The following USP8 variants were observed in gnomAD, a reference collection of about 807,000 sequenced individuals.
The protein encoded by USP8 is ubiquitin specific peptidase 8, also known as ubiquitin carboxyl-terminal hydrolase 8.
Under a neutral mutation model 130.0 loss-of-function variants are expected in USP8, and 27 were observed. The ratio of observed to expected loss-of-function variants is 0.21; its 90% CI spans 0.15 to 0.29. The LOEUF is 0.29. Ranked by LOEUF, USP8 falls within the 10% of genes least tolerant of loss-of-function variation. The probability of loss-of-function intolerance (pLI) is 1.00; values close to 1 mark genes in which losing one functional copy is unlikely to be tolerated. For missense variants in USP8, 1,029 were observed against 1,312.2 expected (o/e 0.78, Z 3.33); for synonymous variants, 392 against 444.1 (o/e 0.88, Z 1.48).
intron 8 of USP8, among the ~76,000 whole-genome samples, chr15:50,476,033 T>C (rs945498396): frequency 2.0e-5 from 3 of 152,226 alleles, no homozygotes; most frequent in Non-Finnish European, 2.9e-5. Flanking sequence ...TGACTAGGTA[T>C]GTGCATGTAT....
chr15:50,458,821 C>T (rs1424759135), intron 4 of USP8, among the ~76,000 whole-genome samples, 179 bp from the exon 5 acceptor site: 1 of 152,078 alleles, frequency 6.6e-6, no homozygotes, highest in Non-Finnish European at 1.5e-5. Flanking sequence ...TAGTTCTGGG[C>T]AATTTGAAGT....
chr15:50,490,664 G>A, intron 14 of USP8, 139 bp downstream of exon 14: 1 of 1,131,118 alleles, frequency 8.8e-7, no homozygotes, highest in Non-Finnish European at 1.2e-6. Flanking sequence ...TTACCACAGA[G>A]AACAAAACAA....
intron 16 of USP8, 38 bp from the exon 17 acceptor site, chr15:50,495,810 G>C (rs1279952139): frequency 2.7e-6 from 4 of 1,475,412 alleles, no homozygotes; most frequent in South Asian, 2.4e-5. Flanking sequence ...TGTTTTCTTT[G>C]AGATATTAAT....
In USP8 at chr15:50,427,832, T is replaced by C. The variant is rs575219385; in HGVS notation, c.-66+3318T>C. 9.2e-5 allele frequency among the ~76,000 whole-genome samples: 14 copies of C among 151,730 alleles called. No homozygotes were observed. In the South Asian group the frequency reaches 1.2e-3, roughly 14 times the overall value. ...CCTCAGCCTCCCAAAGTGCTGGGAT[T>C]ATAGCCGTGAGCCACCATACCTGGC... On this transcript the variant is annotated intron_variant, in intron 1 of 19. Transcript: ENST00000307179.
intron 3 of USP8, among the ~76,000 whole-genome samples, chr15:50,443,795 T>C (rs2050334722): frequency 6.6e-6 from 1 of 152,204 alleles, no homozygotes; most frequent in South Asian, 2.1e-4. Context: ...TACTAGGTTT[T>C]AAATCTGTCT....
intron 11 of USP8, among the ~76,000 whole-genome samples, chr15:50,483,637 A>T (rs1363143532): frequency 1.3e-5 from 2 of 152,134 alleles, no homozygotes; most frequent in Non-Finnish European, 2.9e-5. Context: ...CACTAAAAAT[A>T]TAAAAAATTA....
intron 2 of USP8, among the ~76,000 whole-genome samples, chr15:50,439,627 A>G (rs1376652519): frequency 1.3e-5 from 2 of 151,420 alleles, no homozygotes; most frequent in Non-Finnish European, 2.9e-5. Context: ...CATTTCTACT[A>G]AAAATACAAA....
intron 11 of USP8, among the ~76,000 whole-genome samples, 198 bp from the exon 12 acceptor site, chr15:50,484,077 T>C (rs1566879807): frequency 6.6e-6 from 1 of 152,122 alleles, no homozygotes; most frequent in African/African-American, 2.4e-5. Context: ...CTTTTTTTTT[T>C]CTTCACTGAT....
intron 1 of USP8, among the ~76,000 whole-genome samples, chr15:50,433,901 G>A (rs890845699): frequency 6.6e-6 from 1 of 152,194 alleles, no homozygotes; most frequent in African/African-American, 2.4e-5. Flanking sequence ...CACTGTGCAC[G>A]GCTGCATTTT....
At chr15:50,489,091 T>A (rs2052067740) in intron 12 of USP8, among the ~76,000 whole-genome samples, 1 of 152,154 alleles carries the variant, frequency 6.6e-6, no homozygotes, top group Non-Finnish European at 1.5e-5. Flanking sequence ...TTGTTTTCTA[T>A]TAATTTTTTA....
chr15:50,429,162 AG>A (rs1233902542), intron 1 of USP8, among the ~76,000 whole-genome samples: 1 of 152,202 alleles, frequency 6.6e-6, no homozygotes, highest in Non-Finnish European at 1.5e-5. Flanking sequence ...ACCATGGATA[AG>A]GGGGGACTAC....
intron 11 of USP8, among the ~76,000 whole-genome samples, chr15:50,483,537 A>G (rs913600502): frequency 5.3e-5 from 8 of 152,246 alleles, no homozygotes; most frequent in Non-Finnish European, 1.0e-4. Context: ...GCCCACGCCT[A>G]TAATCCCAGC....
intron 10 of USP8, 76 bp from the exon 11 acceptor site, chr15:50,481,405 C>G: frequency 9.1e-7 from 1 of 1,101,128 alleles, no homozygotes; most frequent in Non-Finnish European, 1.2e-6. Context: ...CTTCTTTTAT[C>G]ACAACTTGAT....
intron 7 of USP8, among the ~76,000 whole-genome samples, chr15:50,470,950 G>C (rs1237708143): frequency 2.6e-5 from 4 of 152,172 alleles, no homozygotes; most frequent in South Asian, 2.1e-4. Context: ...TGCTTTAATG[G>C]AGAGTTGGTG....
At chr15:50,479,055 A>AAAAAAT (rs1555389966) in intron 10 of USP8, among the ~76,000 whole-genome samples, 26 of 152,208 alleles carry the variant, frequency 1.7e-4, no homozygotes, top group Non-Finnish European at 2.8e-4. Context: ...CTGTCTCAAA[A>AAAAAAT]AAAAATAAAA....
At chr15:50,466,924 G>C in intron 7 of USP8, 1 of 421,880 alleles carries the variant, frequency 2.4e-6, no homozygotes, top group Non-Finnish European at 4.6e-6. Flanking sequence ...AAGACTTTGA[G>C]AATCGCTACA....
chr15:50,484,116 T>A (rs73405117), intron 11 of USP8, among the ~76,000 whole-genome samples, 159 bp from the exon 12 acceptor site: 13 of 152,272 alleles, frequency 8.5e-5, no homozygotes, highest in Admixed American at 3.9e-4. Flanking sequence ...TTTTTAAGTA[T>A]TTTGAATGTG....
chr15:50,469,644 A>G (rs575837496), intron 7 of USP8, among the ~76,000 whole-genome samples: 21 of 152,268 alleles, frequency 1.4e-4, no homozygotes, highest in Non-Finnish European at 2.9e-4. Flanking sequence ...ACTGGATTTC[A>G]AAATTAAAAT....
Position 50,482,055 on chromosome 15 carries a change from G to T in USP8, c.1793G>T (p.Gly598Val), listed in dbSNP as rs370039324. The T allele has an allele frequency of 3.3e-5, 49 of 1,499,914 alleles. No individual in the cohort carries two copies. The highest frequency in any genetic ancestry group is 1.0e-4 in the Admixed American group (4 of 38,940). The allele number at this position is 1,499,914 out of a possible 1,614,324, so 92.9% of individuals were successfully genotyped here. Residue 598 changes from glycine (G) to valine (V), a missense_variant, in exon 11 of 20, where the codon GGT becomes GTT. By Grantham distance (109) the Gly-to-Val change is moderately radical. Around this residue, in one of 4 missense-constraint regions of USP8, gnomAD observed 486 missense variants for 522.0 expected, o/e 0.93. Coordinates refer to ENST00000307179, the MANE Select transcript of USP8 (RefSeq NM_005154.5). Reference protein sequence around the residue: ...VPHTSVTGDSGSGKPFKIKGQ... With the variant: ...VPHTSVTGDSVSGKPFKIKGQ... ...CATACATCTGTGACAGGGGATTCAGGTTCAGGCAAGGTAAGCAGAAACAGT... is the reference window on the plus strand; with the variant it reads ...CATACATCTGTGACAGGGGATTCAGTTTCAGGCAAGGTAAGCAGAAACAGT...
Sources: allele counts gnomAD v4.1 joint callset (sites outside exome capture counted in the v4.1 genomes callset), GRCh38; gene constraint gnomAD v4.1.1; regional missense constraint gnomAD v4.1.1; transcripts MANE v1.5; gene names NCBI Gene and HGNC (gene_info 2026-07-23, HGNC 2026-07-21).